Variants in MPDZ observed in about 807,000 individuals in gnomAD.
MPDZ encodes the protein multiple PDZ domain crumbs cell polarity complex component.
In MPDZ, 234 loss-of-function variants were observed where a neutral mutation model predicts 239.1. The ratio of observed to expected loss-of-function variants is 0.98; its 90% CI spans 0.88 to 1.09. The LOEUF (loss-of-function observed/expected upper bound fraction) is 1.09. MPDZ is among the 50% of genes least tolerant of loss of function. The probability of loss-of-function intolerance (pLI) is 0.00; values close to 1 mark genes in which losing one functional copy is unlikely to be tolerated. For synonymous variants in MPDZ, 1,048 were observed against 881.3 expected (o/e 1.19, Z -3.35); for missense variants, 3,175 against 2,510.0 (o/e 1.26, Z -5.66).
intron 32 of MPDZ, among the ~76,000 whole-genome samples, chr9:13,133,001 A>C (rs1313945106): frequency 6.6e-6 from 1 of 152,220 alleles, no homozygotes. Flanking sequence ...AAGGATATTT[A>C]AAAATTATCT....
At chr9:13,268,037 T>A (rs1247366796) in intron 1 of MPDZ, among the ~76,000 whole-genome samples, 1 of 152,096 alleles carries the variant, frequency 6.6e-6, no homozygotes, top group Non-Finnish European at 1.5e-5. Flanking sequence ...TCAAAAGTGT[T>A]TGGAAATGGG....
At chr9:13,178,562 T>C (rs1372576484) in intron 19 of MPDZ, among the ~76,000 whole-genome samples, 1 of 152,212 alleles carries the variant, frequency 6.6e-6, no homozygotes, top group Non-Finnish European at 1.5e-5. Context: ...TGCAATTCAG[T>C]TCTAATCACT....
At chr9:13,270,555 CTTT>C (rs563772281) in intron 1 of MPDZ, among the ~76,000 whole-genome samples, 1 of 139,014 alleles carries the variant, frequency 7.2e-6, no homozygotes, top group African/African-American at 2.6e-5. Context: ...TTTTGGAGAG[CTTT>C]TTTTTTTTTT....
In MPDZ at chr9:13,129,468, TAAATA is replaced by T. The variant is rs539547921; in HGVS notation, c.4465-2701_4465-2697del. Among the ~76,000 whole-genome samples the T allele has an allele frequency of 2.3e-5, 3 of 129,076 alleles. No homozygotes were observed. In the East Asian group the frequency reaches 5.9e-4, roughly 26 times the overall value. 84.7% of individuals were successfully genotyped at this position (129,076 alleles called of 152,430 possible). On this transcript the variant is annotated intron_variant, in intron 32 of 46. Transcript: ENST00000319217. ...ACAGAGTGAGACTCAGTCTCAAAAA[TAAATA>T]AATAAATAAATAAATAAATAAAAAT...
At chr9:13,194,809 A>C (rs1049691056) in intron 13 of MPDZ, among the ~76,000 whole-genome samples, 1 of 152,150 alleles carries the variant, frequency 6.6e-6, no homozygotes, top group Admixed American at 6.6e-5. Flanking sequence ...GAAGGACTGC[A>C]GTCTCAGTTA....
intron 24 of MPDZ, among the ~76,000 whole-genome samples, chr9:13,157,254 TG>T (rs2133352874): frequency 6.6e-6 from 1 of 152,324 alleles, no homozygotes; most frequent in East Asian, 1.9e-4. Context: ...GGATGTCCAC[TG>T]ATTACCTATG....
chr9:13,237,852 T>C (rs1964472401), intron 3 of MPDZ, among the ~76,000 whole-genome samples: 1 of 152,168 alleles, frequency 6.6e-6, no homozygotes, highest in African/African-American at 2.4e-5. Flanking sequence ...GTATATTATA[T>C]AATGAAATGA....
chr9:13,205,914 A>G lies in MPDZ; in HGVS notation c.1474+2T>C, dbSNP rs750355280. The G allele has an allele frequency of 3.0e-5, 48 of 1,585,086 alleles. No individual in the cohort carries two copies. The highest frequency in any genetic ancestry group is 4.0e-5 in the Non-Finnish European group (47 of 1,167,086). On this transcript the variant is annotated splice_donor_variant, in intron 11 of 46. Coordinates refer to ENST00000319217, the MANE Select transcript of MPDZ (RefSeq NM_001378778.1). LOFTEE classifies it high-confidence loss of function. ...CTAAAAACCAGATTAACATAGGATT[A>G]CCTTTGATTATGCTGGCATTAACAG...
At chr9:13,215,452 T>A (rs1387472435) in intron 10 of MPDZ, among the ~76,000 whole-genome samples, 6 of 150,932 alleles carry the variant, frequency 4.0e-5, no homozygotes, top group Non-Finnish European at 8.9e-5. Context: ...TATATATATA[T>A]ATCACATTTT....
intron 17 of MPDZ, among the ~76,000 whole-genome samples, chr9:13,187,120 TA>T (rs1362697216): frequency 6.6e-6 from 1 of 152,112 alleles, no homozygotes; most frequent in East Asian, 1.9e-4. Context: ...CAGCAAAACA[TA>T]CAGAAGAAGA....
intron 19 of MPDZ, among the ~76,000 whole-genome samples, chr9:13,179,848 AAACT>A (rs1159217501): frequency 1.3e-5 from 2 of 152,204 alleles, no homozygotes; most frequent in East Asian, 1.9e-4. Context: ...ATATTTACAA[AAACT>A]AACTAAATAC....
At chr9:13,168,647 T>G in intron 21 of MPDZ, 83 bp from the exon 22 acceptor site, 1 of 1,080,620 alleles carries the variant, frequency 9.3e-7, no homozygotes, top group South Asian at 1.8e-5. Flanking sequence ...TTTCTATGAT[T>G]TATAGATTAA....
In MPDZ at chr9:13,139,992, C is replaced by G. The variant is rs1947393744; in HGVS notation, c.3998G>C (p.Ser1333Thr). Residue 1333 changes from serine (S) to threonine (T), a missense_variant, in exon 28 of 47, where the codon AGC becomes ACC. Coordinates refer to ENST00000319217, the MANE Select transcript of MPDZ (RefSeq NM_001378778.1). ...ATCACAAAAACACAACTTACTCCAG[C>G]TGTAACCAAACTCATCCTCTTTGTC... ...DVDKEDEFGY[S>T]WKNIRERYGT... is the part of the protein sequence containing the mutation. 4.3e-6 allele frequency: 7 copies of G among 1,613,312 alleles called. No individual in the cohort carries two copies. The highest frequency in any genetic ancestry group is 1.1e-5 in the South Asian group (1 of 91,072).
At chr9:13,229,653 A>G (rs1027217087) in intron 3 of MPDZ, among the ~76,000 whole-genome samples, 1 of 151,944 alleles carries the variant, frequency 6.6e-6, no homozygotes, top group Non-Finnish European at 1.5e-5. Context: ...TAAAAGAAAT[A>G]CCAGAGTAAA....
chr9:13,226,421 C>T (rs894270892), intron 3 of MPDZ, among the ~76,000 whole-genome samples: 1 of 151,996 alleles, frequency 6.6e-6, no homozygotes, highest in African/African-American at 2.4e-5. Context: ...GTTTTTGAGT[C>T]ACTCTCTGAC....
intron 4 of MPDZ, 148 bp from the exon 5 acceptor site, chr9:13,223,858 C>A: frequency 1.4e-6 from 1 of 733,832 alleles, no homozygotes; most frequent in Non-Finnish European, 2.1e-6. Flanking sequence ...ATAATGTGAC[C>A]CCATCTCTAT....
intron 1 of MPDZ, 137 bp downstream of exon 1, chr9:13,279,258 CCCCCA>C (rs1975045917): frequency 3.1e-5 from 4 of 127,014 alleles, no homozygotes; most frequent in South Asian, 2.5e-4. Flanking sequence ...CCTACCCCCA[CCCCCA>C]CCCCCACCCC....
At position 13,119,656 on chromosome 9, in the gene MPDZ, A is replaced by G. The variant is rs1169790104; in HGVS notation, c.5232-7T>C. 1 of 1,613,830 alleles carries G rather than the reference A, an allele frequency of 6.2e-7. No homozygotes were observed. Among genetic ancestry groups the G allele is most frequent in the Non-Finnish European group, 8.5e-7 (1 of 1,179,858 alleles). ...AAATACTCCAGTATCGTTTCTACAC[A>G]CAATTTTGAATTTCAACATTATCTT... On this transcript the variant is annotated splice_region_variant and splice_polypyrimidine_tract_variant and intron_variant, in intron 38 of 46. Coordinates refer to ENST00000319217, the MANE Select transcript of MPDZ (RefSeq NM_001378778.1).
chr9:13,241,498 A>G (rs1392728597), intron 3 of MPDZ, among the ~76,000 whole-genome samples: 1 of 152,160 alleles, frequency 6.6e-6, no homozygotes, highest in Non-Finnish European at 1.5e-5. Flanking sequence ...GACAGTAGTC[A>G]TCTCCCCTTT....
Sources: gnomAD v4.1 joint callset for allele counts (sites outside exome capture counted in the v4.1 genomes callset) on GRCh38, gnomAD v4.1.1 for gene constraint, MANE v1.5 for transcripts, NCBI Gene and HGNC (gene_info 2026-07-23, HGNC 2026-07-21) for gene names.